Variants in RLF observed in about 807,000 individuals in gnomAD.
RLF encodes RLF zinc finger.
A neutral mutation model predicts 162.9 loss-of-function variants in RLF; 7 were observed. The observed-to-expected ratio is 0.04, with a 90% CI of 0.02 to 0.08. RLF has a LOEUF of 0.08. Ranked by LOEUF, RLF falls within the 10% of genes least tolerant of loss-of-function variation. The pLI, the probability that RLF is intolerant of heterozygous loss-of-function variation, is 1.00. For missense variants in RLF, 1,664 were observed against 2,244.7 expected (o/e 0.74, Z 5.23); for synonymous variants, 782 against 791.5 (o/e 0.99, Z 0.20).
At chr1:40,213,284 G>C (rs1015188776) in intron 5 of RLF, among the ~76,000 whole-genome samples, 1 of 152,102 alleles carries the variant, frequency 6.6e-6, no homozygotes, top group Non-Finnish European at 1.5e-5. Context: ...GTTATGTGTG[G>C]GTATTTTGGT....
intron 5 of RLF, among the ~76,000 whole-genome samples, chr1:40,211,614 C>CT (rs949055012): frequency 4.0e-5 from 6 of 151,372 alleles, no homozygotes; most frequent in East Asian, 1.9e-4. Context: ...ACTAGTCAGT[C>CT]TTTTTTTTTC....
intron 1 of RLF, among the ~76,000 whole-genome samples, chr1:40,184,622 G>GC (rs1642447716): frequency 1.3e-5 from 2 of 152,166 alleles, no homozygotes; most frequent in African/African-American, 4.8e-5. Context: ...ATATAGCAAG[G>GC]ACTTGAGAGA....
intron 1 of RLF, among the ~76,000 whole-genome samples, chr1:40,178,913 C>T (rs937101716): frequency 2.6e-5 from 4 of 152,108 alleles, no homozygotes; most frequent in African/African-American, 9.7e-5. Context: ...CAGCTCACTG[C>T]AGCCTCCACA....
chr1:40,169,800 C>G (rs1213420362), intron 1 of RLF, among the ~76,000 whole-genome samples: 1 of 149,222 alleles, frequency 6.7e-6, no homozygotes, highest in Non-Finnish European at 1.5e-5. Flanking sequence ...TCAAGTGATT[C>G]TCCTGCCTCA....
At chr1:40,209,584 A>C (rs895843494) in intron 5 of RLF, among the ~76,000 whole-genome samples, 2 of 152,240 alleles carry the variant, frequency 1.3e-5, no homozygotes, top group Non-Finnish European at 2.9e-5. Context: ...CATTTTTAAA[A>C]GCAGTCATAT....
At chr1:40,187,057 C>T (rs1642491432) in intron 1 of RLF, among the ~76,000 whole-genome samples, 1 of 148,788 alleles carries the variant, frequency 6.7e-6, no homozygotes, top group Non-Finnish European at 1.5e-5. Context: ...TTTTTTGAGA[C>T]AGTCTTGCTG....
At chr1:40,185,909 C>T (rs1247648328) in intron 1 of RLF, among the ~76,000 whole-genome samples, 2 of 148,178 alleles carry the variant, frequency 1.3e-5, no homozygotes, top group Admixed American at 1.3e-4. Context: ...GTAATCCCAG[C>T]ACTTGGGGAG....
At chr1:40,235,142 A>AACCTCC in intron 7 of RLF, among the ~76,000 whole-genome samples, 1 of 143,362 alleles carries the variant, frequency 7.0e-6, no homozygotes, top group African/African-American at 2.6e-5. Flanking sequence ...GCTAAACTGC[A>AACCTCC]ACCTCCACCT....
chr1:40,171,863 C>T lies in RLF; in HGVS notation c.237+10227C>T, dbSNP rs551669575. Among the ~76,000 whole-genome samples, 13 of 152,222 alleles carry T rather than the reference C, an allele frequency of 8.5e-5. No individual in the cohort carries two copies. The South Asian group carries it at 2.7e-3, about 32-fold the overall frequency. The stretch of plus-strand genomic sequence containing the variant: ...AAGAAGTAAAAGCTCCTGTCATATA[C>T]ACTCTTATGTATTCCAGTACTACCT... On this transcript the variant is annotated intron_variant, in intron 1 of 7. Transcript: ENST00000372771.
intron 1 of RLF, among the ~76,000 whole-genome samples, chr1:40,188,303 A>G (rs954545221): frequency 3.9e-5 from 6 of 152,172 alleles, no homozygotes; most frequent in African/African-American, 1.2e-4. Flanking sequence ...TAGGACACAT[A>G]TAATTTATCA....
intron 6 of RLF, among the ~76,000 whole-genome samples, chr1:40,231,114 G>A (rs890671638): frequency 2.8e-4 from 42 of 151,810 alleles, no homozygotes; most frequent in African/African-American, 1.0e-3. Flanking sequence ...GAGTGTCTTT[G>A]TTGTATATAT....
intron 6 of RLF, 104 bp downstream of exon 6, chr1:40,222,814 C>A: frequency 2.3e-6 from 2 of 875,180 alleles, no homozygotes; most frequent in Non-Finnish European, 3.5e-6. Flanking sequence ...CTAGCATGAC[C>A]TGTGAATAGC....
In RLF at chr1:40,240,099, T is replaced by C. The variant is rs1186072922; in HGVS notation, c.5397T>C (p.Ser1799=). Residue 1799 remains serine, a synonymous_variant, in exon 8 of 8, where the codon AGT becomes AGC. Transcript: ENST00000372771. Reference sequence around the variant, plus strand: ...AGCCTTCAGAGCACTTAACATTAAGTAATTCTTCACAGTCCAGTAATGATT... The same window carrying C: ...AGCCTTCAGAGCACTTAACATTAAGCAATTCTTCACAGTCCAGTAATGATT... ...DWEPSEHLTL[S]NSSQSSNDLT... is the part of the protein sequence containing the mutation. The C allele has an allele frequency of 6.2e-7, 1 of 1,614,118 alleles. No homozygotes were observed. Among genetic ancestry groups the C allele is most frequent in the Non-Finnish European group, 8.5e-7 (1 of 1,179,958 alleles).
chr1:40,183,755 A>G (rs1642437033), intron 1 of RLF, among the ~76,000 whole-genome samples: 2 of 151,826 alleles, frequency 1.3e-5, no homozygotes, highest in Non-Finnish European at 2.9e-5. Flanking sequence ...AAAAAAAAAA[A>G]TTCCCAAAAG....
intron 5 of RLF, among the ~76,000 whole-genome samples, chr1:40,215,295 A>G (rs1642911640): frequency 6.6e-6 from 1 of 152,192 alleles, no homozygotes; most frequent in Non-Finnish European, 1.5e-5. Context: ...CTGAGCAGAC[A>G]TCTATAGACT....
chr1:40,229,120 C>T (rs965304424), intron 6 of RLF, among the ~76,000 whole-genome samples: 1 of 152,196 alleles, frequency 6.6e-6, no homozygotes, highest in African/African-American at 2.4e-5. Flanking sequence ...ATCATTTACT[C>T]ATTTATCGTT....
chr1:40,175,643 C>T (rs1026000190), intron 1 of RLF, among the ~76,000 whole-genome samples: 11 of 151,170 alleles, frequency 7.3e-5, no homozygotes, highest in Admixed American at 4.6e-4. Context: ...AGTGAGACTC[C>T]GACTCAAAAA....
In RLF at chr1:40,161,713, G is replaced by T; in HGVS notation, c.237+77G>T. 1 of 1,557,060 alleles carries T rather than the reference G, an allele frequency of 6.4e-7. No individual in the cohort carries two copies. The highest frequency in any genetic ancestry group is 8.6e-7 in the Non-Finnish European group (1 of 1,161,982). On this transcript the variant is annotated intron_variant, in intron 1 of 7. Coordinates refer to ENST00000372771, the MANE Select transcript of RLF (RefSeq NM_012421.4). The surrounding 1 kb of genome is among the most constrained non-coding windows in gnomAD (Gnocchi z 4.4). ...GGAGGCCCTGGATCCTCTGTAAGCA[G>T]CCGGGTCCAAACTGAAAGGCGCCAC...
At chr1:40,233,787 A>G (rs777514979) in intron 7 of RLF, among the ~76,000 whole-genome samples, 2 of 152,190 alleles carry the variant, frequency 1.3e-5, no homozygotes, top group Non-Finnish European at 2.9e-5. Context: ...GATTGTTCAC[A>G]GTCAGTTACA....
Sources: gnomAD v4.1 joint callset for allele counts (sites outside exome capture counted in the v4.1 genomes callset) on GRCh38, gnomAD v4.1.1 for gene constraint, Gnocchi (gnomAD v3.1) non-coding constraint, MANE v1.5 for transcripts, NCBI Gene and HGNC (gene_info 2026-07-23, HGNC 2026-07-21) for gene names.